EPHB2: variants seen among roughly 807,000 people sequenced by gnomAD.
EPHB2 encodes the protein EPH receptor B2, also known as ephrin type-B receptor 2.
EPHB2 carries 18 observed loss-of-function variants against 96.4 expected under a neutral mutation model. The ratio of observed to expected loss-of-function variants is 0.19; its 90% confidence interval spans 0.13 to 0.28. EPHB2 has a LOEUF of 0.28. Ranked by LOEUF, EPHB2 falls within the 10% of genes least tolerant of loss-of-function variation. The pLI is 1.00. For missense variants in EPHB2, 989 were observed against 1,355.4 expected (o/e 0.73, Z 4.25); for synonymous variants, 506 against 534.1 (o/e 0.95, Z 0.72).
At chr1:22,813,698 C>A (rs1470364490) in intron 3 of EPHB2, among the ~76,000 whole-genome samples, 1 of 152,248 alleles carries the variant, frequency 6.6e-6, no homozygotes, top group African/African-American at 2.4e-5. Context: ...CAAGTGACTT[C>A]ACTCTCTGAA....
chr1:22,805,583 G>C (rs553170103), intron 3 of EPHB2, among the ~76,000 whole-genome samples: 1 of 152,316 alleles, frequency 6.6e-6, no homozygotes, highest in East Asian at 1.9e-4. Flanking sequence ...AGCTGGGCTG[G>C]AGGGGATCAG....
In EPHB2 at chr1:22,719,511, G is replaced by A. The variant is rs567299899; in HGVS notation, c.61+8468G>A. ...GAGTGACTGCCTCTTAAGACAGAAT[G>A]TGTGAGCACCAGGGGTACCTCTCTA... On this transcript the variant is annotated intron_variant, in intron 1 of 15. Coordinates refer to ENST00000374630, the MANE Select transcript of EPHB2 (RefSeq NM_017449.5). 1.0e-4 allele frequency: 16 copies of A among 154,242 alleles called. No homozygotes were observed. The Middle Eastern group carries it at 2.9e-3, about 27-fold the overall frequency. The allele number at this position is 154,242 out of a possible 1,614,324, so 9.6% of individuals were successfully genotyped here. A position where few individuals can be genotyped will look rare whatever the true frequency, so the allele number is the denominator to read the frequency against.
At chr1:22,737,361 G>T (rs201134111) in intron 1 of EPHB2, among the ~76,000 whole-genome samples, 3 of 152,154 alleles carry the variant, frequency 2.0e-5, no homozygotes, top group African/African-American at 7.2e-5. Flanking sequence ...ACAGCTGCTC[G>T]TTGACCTGGC....
At chr1:22,834,356 G>A (rs1235068292) in intron 3 of EPHB2, among the ~76,000 whole-genome samples, 1 of 152,164 alleles carries the variant, frequency 6.6e-6, no homozygotes, top group Non-Finnish European at 1.5e-5. Flanking sequence ...ATGAGAGGGG[G>A]TCTTGTATGG....
At chr1:22,849,920 A>G (rs1645600549) in intron 3 of EPHB2, among the ~76,000 whole-genome samples, 1 of 152,164 alleles carries the variant, frequency 6.6e-6, no homozygotes, top group Non-Finnish European at 1.5e-5. Context: ...GGGCCCTGAA[A>G]GGTGTGTGGC....
At chr1:22,898,769 G>A (rs540041646) in intron 9 of EPHB2, among the ~76,000 whole-genome samples, 3 of 152,282 alleles carry the variant, frequency 2.0e-5, no homozygotes, top group Admixed American at 6.5e-5. Context: ...GTGGGAAGTG[G>A]TTGGATTCTG....
intron 12 of EPHB2, among the ~76,000 whole-genome samples, 170 bp downstream of exon 12, chr1:22,908,338 A>C (rs899191697): frequency 2.6e-5 from 4 of 152,184 alleles, no homozygotes; most frequent in Admixed American, 1.3e-4. Context: ...CAATTCCCAC[A>C]CTGGTGGGGA....
intron 3 of EPHB2, among the ~76,000 whole-genome samples, chr1:22,811,166 G>A (rs1397664239): frequency 1.3e-5 from 2 of 152,110 alleles, no homozygotes; most frequent in East Asian, 1.9e-4. Context: ...GAGAATCTCC[G>A]AGGCCCCCAA....
At chr1:22,828,487 G>A (rs555400683) in intron 3 of EPHB2, among the ~76,000 whole-genome samples, 1 of 152,270 alleles carries the variant, frequency 6.6e-6, no homozygotes, top group East Asian at 1.9e-4. Context: ...GCAGGAAGAG[G>A]CCAGAGGGTC....
chr1:22,793,947 C>T (rs114674270), intron 3 of EPHB2, among the ~76,000 whole-genome samples: 316 of 147,046 alleles, frequency 2.1e-3, no homozygotes, highest in African/African-American at 7.8e-3. Flanking sequence ...CAGATGTACT[C>T]ACCTTTTATA....
At chr1:22,731,953 G>A (rs1261974742) in intron 1 of EPHB2, among the ~76,000 whole-genome samples, 2 of 152,224 alleles carry the variant, frequency 1.3e-5, no homozygotes, top group Non-Finnish European at 2.9e-5. Flanking sequence ...CCACCCAAGA[G>A]GAATTTGCCT....
At chr1:22,763,099 T>C (rs1644257502) in intron 1 of EPHB2, among the ~76,000 whole-genome samples, 1 of 152,038 alleles carries the variant, frequency 6.6e-6, no homozygotes, top group African/African-American at 2.4e-5. Flanking sequence ...CCTGCCAGGA[T>C]CTGAGTGGTC....
At chr1:22,873,940 A>G (rs1292324809) in intron 5 of EPHB2, among the ~76,000 whole-genome samples, 1 of 152,234 alleles carries the variant, frequency 6.6e-6, no homozygotes, top group East Asian at 1.9e-4. Flanking sequence ...GATTTTGTTA[A>G]GTTGAGAAAA....
chr1:22,786,786 G>C (rs1475351885), intron 3 of EPHB2, among the ~76,000 whole-genome samples: 4 of 152,246 alleles, frequency 2.6e-5, no homozygotes, highest in Admixed American at 1.3e-4. Context: ...TGGAAAGGGA[G>C]GAGAGGTAAG....
chr1:22,718,680 G>A (rs981065965), intron 1 of EPHB2, among the ~76,000 whole-genome samples: 19 of 152,196 alleles, frequency 1.2e-4, no homozygotes, highest in African/African-American at 4.3e-4. Flanking sequence ...GAGCCACCGC[G>A]CCCAGCAGCT....
At chr1:22,833,566 A>G (rs1645338231) in intron 3 of EPHB2, among the ~76,000 whole-genome samples, 1 of 152,230 alleles carries the variant, frequency 6.6e-6, no homozygotes, top group Non-Finnish European at 1.5e-5. Flanking sequence ...GTTGAGGCCA[A>G]TGTGAGTGTT....
Position 22,913,292 on chromosome 1 carries a change from A to G in EPHB2, c.2853-170A>G. 1 of 806,002 alleles carries G rather than the reference A, an allele frequency of 1.2e-6. No individual in the cohort carries two copies. Among genetic ancestry groups the G allele is most frequent in the Admixed American group, 2.1e-5 (1 of 47,460 alleles). The allele number at this position is 806,002 out of a possible 1,614,324, so 49.9% of individuals were successfully genotyped here. On this transcript the variant is annotated intron_variant, in intron 15 of 15. Coordinates refer to ENST00000374630, the MANE Select transcript of EPHB2 (RefSeq NM_017449.5). This position sits in a 1 kb window ranked among gnomAD's most constrained non-coding sequence, Gnocchi z 4.1. The stretch of plus-strand genomic sequence containing the variant: ...TCCGACTCAAGTGCTCTTCCACCTC[A>G]CACCATAGTCGCTCCCTCCAGCTGT...
In EPHB2 at chr1:22,768,777, G is replaced by A. The variant is rs117723664; in HGVS notation, c.62-12644G>A. Among the ~76,000 whole-genome samples, 74 of 65,054 alleles carry A rather than the reference G, an allele frequency of 1.1e-3. 2 individuals carry two copies. The East Asian group carries it at 0.048, about 42-fold the overall frequency. 42.7% of individuals were successfully genotyped at this position (65,054 alleles called of 152,430 possible). A position where few individuals can be genotyped will look rare whatever the true frequency, so the allele number is the denominator to read the frequency against. ...CTTCTCCCTCCTGCAGGTTCTTGAAGGGGCCCTGATCATTCTCTCCTCCCG... is the reference window on the plus strand; with the variant it reads ...CTTCTCCCTCCTGCAGGTTCTTGAAAGGGCCCTGATCATTCTCTCCTCCCG... On this transcript the variant is annotated intron_variant, in intron 1 of 15. Transcript: ENST00000374630.
chr1:22,756,286 T>G (rs1644148849), intron 1 of EPHB2, among the ~76,000 whole-genome samples: 1 of 151,970 alleles, frequency 6.6e-6, no homozygotes, highest in Non-Finnish European at 1.5e-5. Flanking sequence ...TGGCTGCGGT[T>G]TCAGGATGGA....
Sources: gnomAD v4.1 joint callset for allele counts (sites outside exome capture counted in the v4.1 genomes callset) on GRCh38, gnomAD v4.1.1 for gene constraint, Gnocchi (gnomAD v3.1) non-coding constraint, MANE v1.5 for transcripts, NCBI Gene and HGNC (gene_info 2026-07-23, HGNC 2026-07-21) for gene names.